SH3BP4: variants seen among roughly 807,000 people sequenced by gnomAD.
SH3BP4 encodes SH3 domain-binding protein 4.
Under a neutral mutation model 65.5 loss-of-function variants are expected in SH3BP4, and 33 were observed. That is an observed-to-expected ratio of 0.50 (90% CI 0.38 to 0.67). The LOEUF is 0.67. Among genes scored for constraint, SH3BP4 ranks in the 30% least tolerant of loss-of-function variants. The probability of loss-of-function intolerance (pLI) is 0.00; values close to 1 mark genes in which losing one functional copy is unlikely to be tolerated. For missense variants in SH3BP4, 1,134 were observed against 1,261.4 expected (o/e 0.90, Z 1.53); for synonymous variants, 552 against 545.5 (o/e 1.01, Z -0.17).
At chr2:235,020,586 C>T (rs1303031945) in intron 2 of SH3BP4, among the ~76,000 whole-genome samples, 1 of 152,048 alleles carries the variant, frequency 6.6e-6, no homozygotes, top group African/African-American at 2.4e-5. Flanking sequence ...GCATTCATGG[C>T]GATGACAACA....
chr2:235,034,337 AG>A lies in SH3BP4; in HGVS notation c.-132-529del, dbSNP rs1263522015. 6.6e-6 allele frequency among the ~76,000 whole-genome samples: 1 copy of A among 152,126 alleles called. No individual in the cohort carries two copies. The highest frequency in any genetic ancestry group is 1.5e-5 in the Non-Finnish European group (1 of 68,004). On this transcript the variant is annotated intron_variant, in intron 2 of 5. Transcript: ENST00000392011. The surrounding 1 kb of genome is among the most constrained non-coding windows in gnomAD (Gnocchi z 6.2). Reference sequence around the variant, plus strand: ...GTTTAGAATTGTTTATTTGGGGTGCAGGGGGATTTCAGGAGCGGATTGGGTA... The same window carrying A: ...GTTTAGAATTGTTTATTTGGGGTGCAGGGGATTTCAGGAGCGGATTGGGTA...
At position 234,977,500 on chromosome 2, in the gene SH3BP4, C is replaced by A. The variant is rs1466421550; in HGVS notation, c.-206-17803C>A. Among the ~76,000 whole-genome samples, 2 of 152,178 alleles carry A rather than the reference C, an allele frequency of 1.3e-5. No individual in the cohort carries two copies. The highest frequency in any genetic ancestry group is 2.9e-5 in the Non-Finnish European group (2 of 68,026). On this transcript the variant is annotated intron_variant, in intron 1 of 5. Transcript: ENST00000392011. This position sits in a 1 kb window ranked among gnomAD's most constrained non-coding sequence, Gnocchi z 5.1. Reference sequence around the variant, plus strand: ...GAGAACCGGAGCAGAGCTGCAGGGACAATGGTGCATTATTAAACTGCTCTG... The same window carrying A: ...GAGAACCGGAGCAGAGCTGCAGGGAAAATGGTGCATTATTAAACTGCTCTG...
chr2:235,031,380 G>A (rs898346103), intron 2 of SH3BP4, among the ~76,000 whole-genome samples: 3 of 152,212 alleles, frequency 2.0e-5, no homozygotes, highest in Admixed American at 6.5e-5. Context: ...CAGAAAGCAC[G>A]TGTGCAGTTC....
intron 2 of SH3BP4, among the ~76,000 whole-genome samples, chr2:235,010,281 C>A (rs1410814877): frequency 6.6e-6 from 1 of 152,184 alleles, no homozygotes; most frequent in African/African-American, 2.4e-5. Context: ...CACTTCATCT[C>A]CAGTTGCCTG....
intron 4 of SH3BP4, among the ~76,000 whole-genome samples, chr2:235,047,773 G>C (rs1479395666): frequency 6.6e-6 from 1 of 152,198 alleles, no homozygotes; most frequent in African/African-American, 2.4e-5. Context: ...AAGCCGTGGG[G>C]TGTGGTGACC....
At chr2:235,031,851 T>C (rs1169470041) in intron 2 of SH3BP4, among the ~76,000 whole-genome samples, 3 of 152,252 alleles carry the variant, frequency 2.0e-5, no homozygotes, top group Non-Finnish European at 4.4e-5. Flanking sequence ...CTGAGCAGCC[T>C]GCGTGGAGCC....
intron 4 of SH3BP4, among the ~76,000 whole-genome samples, chr2:235,051,791 G>A (rs1161870364): frequency 6.6e-6 from 1 of 152,104 alleles, no homozygotes; most frequent in Non-Finnish European, 1.5e-5. Flanking sequence ...GCCAATGTCA[G>A]CACCGCACAC....
chr2:235,041,715 G>A lies in SH3BP4; in HGVS notation c.946G>A (p.Glu316Lys), dbSNP rs1159506396. 1 of 1,611,948 alleles carries A rather than the reference G, an allele frequency of 6.2e-7. No homozygotes were observed. The highest frequency in any genetic ancestry group is 1.3e-5 in the African/African-American group (1 of 74,926). The change falls in exon 4 of 6, where the codon GAG (glutamate) becomes AAG (lysine). Residue 316 changes from glutamate (E) to lysine (K), a missense_variant. Physicochemically the swap from Glu to Lys is moderately conservative, Grantham distance 56. Transcript: ENST00000392011. The surrounding 1 kb of genome is among the most constrained non-coding windows in gnomAD (Gnocchi z 6.0). The stretch of plus-strand genomic sequence containing the variant: ...TGGTTGGGGCCAGACCCAAGCCGTG[G>A]AGACAAACATCGTGTGCAAGCTGGA... ...SPGWGQTQAVETNIVCKLDSS... is the reference protein window; with the variant it reads ...SPGWGQTQAVKTNIVCKLDSS...
chr2:234,964,904 G>T (rs1221996693), intron 1 of SH3BP4, among the ~76,000 whole-genome samples: 1 of 152,110 alleles, frequency 6.6e-6, no homozygotes, highest in Non-Finnish European at 1.5e-5. Flanking sequence ...ATCGACGCCT[G>T]GCAGGGAGGC....
intron 2 of SH3BP4, among the ~76,000 whole-genome samples, chr2:235,021,736 C>T (rs1015861990): frequency 6.6e-6 from 1 of 151,630 alleles, no homozygotes; most frequent in Non-Finnish European, 1.5e-5. Context: ...CCATGTAGTC[C>T]AACACAGCAG....
chr2:235,034,793 T>C lies in SH3BP4; in HGVS notation c.-132-78T>C. On this transcript the variant is annotated intron_variant, in intron 2 of 5. Transcript: ENST00000392011. The surrounding 1 kb of genome is among the most constrained non-coding windows in gnomAD (Gnocchi z 6.2). ...TAGAACAGCCTGGAAGAAAGAGGAT[T>C]CCCACTTCCCATAAAATTACCATTG... 3 of 561,406 alleles carry C rather than the reference T, an allele frequency of 5.3e-6. No homozygotes were observed. The highest frequency in any genetic ancestry group is 9.6e-6 in the Non-Finnish European group (3 of 313,810). The allele number at this position is 561,406 out of a possible 1,614,324, so 34.8% of individuals were successfully genotyped here. A position where few individuals can be genotyped will look rare whatever the true frequency, so the allele number is the denominator to read the frequency against.
chr2:235,040,481 C>CA (rs763815344), intron 3 of SH3BP4, among the ~76,000 whole-genome samples: 15 of 151,492 alleles, frequency 9.9e-5, no homozygotes, highest in Non-Finnish European at 1.5e-4. Flanking sequence ...TCACCTAACT[C>CA]ACCGTGTCAC....
intron 3 of SH3BP4, among the ~76,000 whole-genome samples, chr2:235,038,362 A>AT (rs1695500103): frequency 3.7e-5 from 1 of 26,974 alleles, no homozygotes; most frequent in South Asian, 1.5e-3. Flanking sequence ...ATATATATAT[A>AT]TATAATATAT....
chr2:234,958,430 G>T (rs1053569844), intron 1 of SH3BP4, among the ~76,000 whole-genome samples: 9 of 152,080 alleles, frequency 5.9e-5, no homozygotes, highest in Non-Finnish European at 8.8e-5. Context: ...GCCCTGGGGG[G>T]GTGTCTGGGG....
At chr2:234,959,483 T>TA (rs1467799859) in intron 1 of SH3BP4, among the ~76,000 whole-genome samples, 2 of 152,140 alleles carry the variant, frequency 1.3e-5, no homozygotes, top group African/African-American at 4.8e-5. Context: ...CAGTAAAACT[T>TA]ACAATATATG....
intron 1 of SH3BP4, among the ~76,000 whole-genome samples, chr2:234,987,483 T>C (rs1361703026): frequency 6.6e-6 from 1 of 152,096 alleles, no homozygotes; most frequent in Middle Eastern, 3.2e-3. Flanking sequence ...TTAGCAAAGG[T>C]CGTGGAGCTG....
intron 1 of SH3BP4, among the ~76,000 whole-genome samples, chr2:234,988,609 C>G (rs1007845024): frequency 6.6e-6 from 1 of 152,194 alleles, no homozygotes; most frequent in Non-Finnish European, 1.5e-5. Context: ...TCTTCACACT[C>G]AAAGGCAGGG....
rs1353159719 is a variant in SH3BP4 at position 235,054,422 on chromosome 2, C to CGGATTTGATT, written c.*608_*617dup. 133 of 152,486 alleles carry CGGATTTGATT rather than the reference C, an allele frequency of 8.7e-4. No homozygotes were observed. Among genetic ancestry groups the CGGATTTGATT allele is most frequent in the African/African-American group, 3.1e-3 (130 of 41,404 alleles). The allele number at this position is 152,486 out of a possible 1,614,324, so 9.4% of individuals were successfully genotyped here. ...AAGGCCCCAGGTCCTGCTCCCTCCT[C>CGGATTTGATT]GGATTTGATTGTCTTCCGTGCTTTG... On this transcript the variant is annotated 3_prime_UTR_variant, in exon 6 of 6. Coordinates refer to ENST00000392011, the MANE Select transcript of SH3BP4 (RefSeq NM_014521.3).
At position 235,053,686 on chromosome 2, in the gene SH3BP4, T is replaced by C; in HGVS notation, c.2762T>C (p.Leu921Pro). The C allele has an allele frequency of 6.2e-7, 1 of 1,614,198 alleles. No individual in the cohort carries two copies. Among genetic ancestry groups the C allele is most frequent in the Non-Finnish European group, 8.5e-7 (1 of 1,180,016 alleles). Residue 921 changes from leucine to proline, a missense_variant, in exon 6 of 6, where the codon CTG (leucine) becomes CCG (proline). Physicochemically the swap from Leu to Pro is moderately conservative, Grantham distance 98. Transcript: ENST00000392011. ...RDVIQELHLG[L>P]DKMKNPITKR... is the part of the protein sequence containing the mutation. The stretch of plus-strand genomic sequence containing the variant: ...GTCATCCAGGAGCTGCACCTGGGCC[T>C]GGACAAGATGAAAAACCCCATCACC...
Sources: gnomAD v4.1 joint callset for allele counts (sites outside exome capture counted in the v4.1 genomes callset) on GRCh38, gnomAD v4.1.1 for gene constraint, Gnocchi (gnomAD v3.1) non-coding constraint, MANE v1.5 for transcripts, NCBI Gene and HGNC (gene_info 2026-07-23, HGNC 2026-07-21) for gene names.